Variants in GRIK4 observed in about 807,000 individuals in gnomAD.
GRIK4 encodes glutamate ionotropic receptor kainate type subunit 4, also known as glutamate receptor ionotropic, kainate 4.
In GRIK4, 40 loss-of-function variants were observed where a neutral mutation model predicts 104.9. The ratio of observed to expected loss-of-function variants is 0.38; its 90% CI spans 0.30 to 0.50. The LOEUF (loss-of-function observed/expected upper bound fraction) is 0.50, where lower values mean the gene tolerates loss of function less well. GRIK4 is among the 20% of genes least tolerant of loss of function. GRIK4 has a pLI of 0.93. For synonymous variants in GRIK4, 485 were observed against 524.9 expected (o/e 0.92, Z 1.04); for missense variants, 1,047 against 1,308.1 (o/e 0.80, Z 3.08).
intron 13 of GRIK4, among the ~76,000 whole-genome samples, chr11:120,923,838 A>G (rs895765079): frequency 1.3e-5 from 2 of 152,220 alleles, no homozygotes; most frequent in African/African-American, 2.4e-5. Context: ...AGCTAGCCAG[A>G]GGCAGACTTA....
chr11:120,938,285 C>T (rs767749157), intron 13 of GRIK4, among the ~76,000 whole-genome samples: 11 of 152,212 alleles, frequency 7.2e-5, no homozygotes, highest in Non-Finnish European at 8.8e-5. Flanking sequence ...TCAAACCTAA[C>T]TTTGAATGCA....
intron 8 of GRIK4, among the ~76,000 whole-genome samples, chr11:120,851,631 G>A (rs962511733): frequency 6.6e-6 from 1 of 152,168 alleles, no homozygotes; most frequent in African/African-American, 2.4e-5. Flanking sequence ...AATGAATGAA[G>A]GAATGAGTGA....
chr11:120,667,382 C>A (rs762855436), intron 3 of GRIK4, among the ~76,000 whole-genome samples: 3 of 152,262 alleles, frequency 2.0e-5, no homozygotes, highest in Non-Finnish European at 4.4e-5. Flanking sequence ...CCTGTGGCCA[C>A]TGATGGCAGA....
chr11:120,682,387 A>G (rs1950207838), intron 3 of GRIK4, among the ~76,000 whole-genome samples: 1 of 152,158 alleles, frequency 6.6e-6, no homozygotes, highest in Non-Finnish European at 1.5e-5. Flanking sequence ...TCCTTCAAAG[A>G]GGAGACACAC....
chr11:120,928,591 A>T (rs1272636972), intron 13 of GRIK4, among the ~76,000 whole-genome samples: 1 of 152,082 alleles, frequency 6.6e-6, no homozygotes, highest in Non-Finnish European at 1.5e-5. Flanking sequence ...TGGCCTCTTG[A>T]GTCAGCTTGG....
At chr11:120,954,823 AC>A (rs1591327375) in intron 15 of GRIK4, among the ~76,000 whole-genome samples, 14 of 52,358 alleles carry the variant, frequency 2.7e-4, no homozygotes, top group Non-Finnish European at 4.1e-4. Flanking sequence ...ACACACACAC[AC>A]ACACACAAAC....
At chr11:120,800,851 G>A (rs893059509) in intron 3 of GRIK4, among the ~76,000 whole-genome samples, 1 of 152,222 alleles carries the variant, frequency 6.6e-6, no homozygotes, top group Non-Finnish European at 1.5e-5. Context: ...CCACGTGTCA[G>A]TGAAATGTAT....
rs889703749 is a variant in GRIK4, at chr11:120,877,415, G to T, written c.1164+2172G>T. Among the ~76,000 whole-genome samples the T allele has an allele frequency of 3.3e-5, 5 of 152,146 alleles. No homozygotes were observed. The East Asian group carries it at 9.6e-4, about 29-fold the overall frequency. On this transcript the variant is annotated intron_variant, in intron 11 of 20. Transcript: ENST00000527524. ...TAGAAAACCGTAAGTGCAAATGTGG[G>T]TTATTACACTCAGATCGTGCCCTCA...
chr11:120,891,565 C>T (rs1224271540), intron 11 of GRIK4, among the ~76,000 whole-genome samples: 1 of 152,200 alleles, frequency 6.6e-6, no homozygotes, highest in African/African-American at 2.4e-5. Context: ...TGAGATTCTA[C>T]AGGCAATGTT....
chr11:120,947,826 A>C (rs377294492), intron 14 of GRIK4, among the ~76,000 whole-genome samples: 2 of 152,160 alleles, frequency 1.3e-5, no homozygotes, highest in South Asian at 2.1e-4. Flanking sequence ...CACCCAGAGA[A>C]GTTGAGTGAC....
intron 7 of GRIK4, among the ~76,000 whole-genome samples, chr11:120,832,454 T>C (rs1591969951): frequency 6.6e-6 from 1 of 152,200 alleles, no homozygotes; most frequent in South Asian, 2.1e-4. Flanking sequence ...CAGCTCTGTC[T>C]TTAGTCCTGA....
chr11:120,694,237 T>A (rs960697887), intron 3 of GRIK4, among the ~76,000 whole-genome samples: 1 of 151,988 alleles, frequency 6.6e-6, no homozygotes, highest in African/African-American at 2.4e-5. Flanking sequence ...GAAGGAAGAG[T>A]GCAGTAGGGA....
At chr11:120,943,106 CT>C (rs1943763176) in intron 14 of GRIK4, among the ~76,000 whole-genome samples, 1 of 60,520 alleles carries the variant, frequency 1.7e-5, no homozygotes, top group Non-Finnish European at 3.7e-5. Context: ...CTGTCCCTCT[CT>C]ACACACACAC....
At chr11:120,552,991 CT>C (rs1948154127) in intron 1 of GRIK4, among the ~76,000 whole-genome samples, 1 of 143,930 alleles carries the variant, frequency 6.9e-6, no homozygotes, top group African/African-American at 2.7e-5. Context: ...CAGAGTGAGA[CT>C]CCGTCTCAAA....
chr11:120,739,938 C>G (rs777596082), intron 3 of GRIK4, among the ~76,000 whole-genome samples: 5 of 152,192 alleles, frequency 3.3e-5, no homozygotes, highest in Non-Finnish European at 4.4e-5. Flanking sequence ...TTACCCTTGC[C>G]CTAGGACTGC....
At position 120,940,765 on chromosome 11, in the gene GRIK4, C is replaced by T. The variant is rs1233376837; in HGVS notation, c.1590+305C>T. On this transcript the variant is annotated intron_variant, in intron 14 of 20. Transcript: ENST00000527524. The surrounding 1 kb of genome is among the most constrained non-coding windows in gnomAD (Gnocchi z 4.3). Reference sequence around the variant, plus strand: ...TTGGCCCCATGGGTCACTTTGCTCCCTTGCCTGCAGCCCAGATAAGTCACC... The same window carrying T: ...TTGGCCCCATGGGTCACTTTGCTCCTTTGCCTGCAGCCCAGATAAGTCACC... Among the ~76,000 whole-genome samples the T allele has an allele frequency of 1.3e-5, 2 of 152,148 alleles. No individual in the cohort carries two copies. The highest frequency in any genetic ancestry group is 4.8e-5 in the African/African-American group (2 of 41,430).
In GRIK4 at chr11:120,967,186, C is replaced by A. The variant is rs192613651; in HGVS notation, c.2267-9C>A. 2 of 1,611,022 alleles carry A rather than the reference C, an allele frequency of 1.2e-6. No homozygotes were observed. Among genetic ancestry groups the A allele is most frequent in the Middle Eastern group, 1.7e-4 (1 of 6,044 alleles). On this transcript the variant is annotated splice_polypyrimidine_tract_variant and intron_variant, in intron 18 of 20. Coordinates refer to ENST00000527524, the MANE Select transcript of GRIK4 (RefSeq NM_014619.5). The surrounding 1 kb of genome is among the most constrained non-coding windows in gnomAD (Gnocchi z 4.2). ...ACCTGTGTCCTGGGCTCTCCCGTAA[C>A]CCCCGCAGGCTCGGTTTTCCGGGAC...
At chr11:120,747,656 G>T (rs541273226) in intron 3 of GRIK4, among the ~76,000 whole-genome samples, 2 of 152,310 alleles carry the variant, frequency 1.3e-5, no homozygotes, top group African/African-American at 2.4e-5. Context: ...TCTATGCGCC[G>T]TTCCCATTTG....
intron 12 of GRIK4, 46 bp downstream of exon 12, chr11:120,898,685 C>G: frequency 9.4e-7 from 1 of 1,067,638 alleles, no homozygotes; most frequent in Non-Finnish European, 1.5e-6. Flanking sequence ...CCTGGGGTGC[C>G]TCCCCGGCTC....
Sources: allele counts gnomAD v4.1 joint callset (sites outside exome capture counted in the v4.1 genomes callset), GRCh38; gene constraint gnomAD v4.1.1; non-coding constraint Gnocchi (gnomAD v3.1); transcripts MANE v1.5; gene names NCBI Gene and HGNC (gene_info 2026-07-23, HGNC 2026-07-21).